RORA: variants seen among roughly 807,000 people sequenced by gnomAD.
The protein encoded by RORA is RAR related orphan receptor A.
A neutral mutation model predicts 69.5 loss-of-function variants in RORA; 7 were observed. That is an observed-to-expected ratio of 0.10 (90% CI 0.06 to 0.19). The LOEUF is 0.19. Ranked by LOEUF, RORA falls within the 10% of genes least tolerant of loss-of-function variation. The pLI, the probability that RORA is intolerant of heterozygous loss-of-function variation, is 1.00. For synonymous variants in RORA, 261 were observed against 240.8 expected (o/e 1.08, Z -0.78); for missense variants, 457 against 663.0 (o/e 0.69, Z 3.41).
chr15:61,020,921 G>C (rs1216008266), intron 1 of RORA, among the ~76,000 whole-genome samples: 1 of 152,158 alleles, frequency 6.6e-6, no homozygotes, highest in Admixed American at 6.5e-5. Flanking sequence ...GAATTCAATT[G>C]TATCAGAAAC....
At chr15:61,222,810 T>C (rs1284375979) in intron 1 of RORA, among the ~76,000 whole-genome samples, 1 of 152,206 alleles carries the variant, frequency 6.6e-6, no homozygotes, top group Non-Finnish European at 1.5e-5. Flanking sequence ...ATGTTCTTTG[T>C]TGACATTCTT....
intron 1 of RORA, among the ~76,000 whole-genome samples, chr15:61,227,069 A>C (rs945865430): frequency 2.0e-5 from 3 of 152,136 alleles, no homozygotes; most frequent in Non-Finnish European, 4.4e-5. Flanking sequence ...TGCCACCCTG[A>C]TCGCTTGCAA....
chr15:61,135,384 T>G (rs1048087364), intron 1 of RORA, among the ~76,000 whole-genome samples: 1 of 151,712 alleles, frequency 6.6e-6, no homozygotes, highest in African/African-American at 2.4e-5. Flanking sequence ...AACAAAACTT[T>G]TGTATTATGT....
intron 1 of RORA, among the ~76,000 whole-genome samples, chr15:61,073,214 T>C (rs1448716304): frequency 1.3e-5 from 2 of 152,294 alleles, no homozygotes; most frequent in Admixed American, 6.5e-5. Flanking sequence ...TTCCTTGAGA[T>C]TCGTAAGCCA....
chr15:60,715,457 T>G (rs907459260), intron 1 of RORA, among the ~76,000 whole-genome samples: 18 of 152,182 alleles, frequency 1.2e-4, no homozygotes, highest in African/African-American at 4.3e-4. Context: ...GACCTTCACG[T>G]GGTGCCTCAT....
intron 1 of RORA, among the ~76,000 whole-genome samples, chr15:61,127,253 T>A (rs1374110805): frequency 6.6e-6 from 1 of 152,154 alleles, no homozygotes; most frequent in Non-Finnish European, 1.5e-5. Flanking sequence ...TTATGTCTCA[T>A]CATGGAGTAA....
chr15:60,786,872 G>A (rs563030627), intron 1 of RORA, among the ~76,000 whole-genome samples: 12 of 152,328 alleles, frequency 7.9e-5, no homozygotes, highest in South Asian at 6.2e-4. Context: ...GTCTCAGCTC[G>A]TGATAGGCAT....
intron 1 of RORA, among the ~76,000 whole-genome samples, chr15:61,005,155 T>C (rs138442187): frequency 2.3e-3 from 349 of 152,274 alleles, no homozygotes; most frequent in Admixed American, 4.4e-3. Context: ...GTTAAGTCAA[T>C]TGTGTTACAT....
intron 1 of RORA, among the ~76,000 whole-genome samples, chr15:60,896,058 G>A (rs1175302129): frequency 6.6e-6 from 1 of 152,188 alleles, no homozygotes; most frequent in African/African-American, 2.4e-5. Context: ...GGCCCATGCT[G>A]TATTTCTGGG....
intron 1 of RORA, among the ~76,000 whole-genome samples, chr15:60,931,921 G>A (rs1892383991): frequency 6.6e-6 from 1 of 152,088 alleles, no homozygotes; most frequent in South Asian, 2.1e-4. Flanking sequence ...CCTCAACTTG[G>A]CACTGCAGCT....
At chr15:60,788,877 C>T (rs2072377811) in intron 1 of RORA, among the ~76,000 whole-genome samples, 1 of 152,208 alleles carries the variant, frequency 6.6e-6, no homozygotes, top group Admixed American at 6.5e-5. Flanking sequence ...TATCTGCAGT[C>T]AGATAAAATG....
At chr15:61,182,186 C>T (rs919177611) in intron 1 of RORA, among the ~76,000 whole-genome samples, 10 of 152,106 alleles carry the variant, frequency 6.6e-5, no homozygotes, top group African/African-American at 2.4e-4. Context: ...CAGAATGTTA[C>T]CAGTGAAAGT....
At chr15:61,162,298 G>T (rs2079502602) in intron 1 of RORA, among the ~76,000 whole-genome samples, 1 of 152,166 alleles carries the variant, frequency 6.6e-6, no homozygotes, top group Non-Finnish European at 1.5e-5. Context: ...ACATGATCTG[G>T]TCCTCGGTCC....
At chr15:61,031,659 C>T (rs1019408563) in intron 1 of RORA, among the ~76,000 whole-genome samples, 1 of 152,130 alleles carries the variant, frequency 6.6e-6, no homozygotes, top group African/African-American at 2.4e-5. Context: ...AAAAAATATG[C>T]ATGGTATGAT....
chr15:60,786,434 C>T (rs936323571), intron 1 of RORA, among the ~76,000 whole-genome samples: 14 of 152,208 alleles, frequency 9.2e-5, no homozygotes, highest in African/African-American at 3.1e-4. Flanking sequence ...TAGAGAAACA[C>T]GATGGAAGCT....
intron 1 of RORA, among the ~76,000 whole-genome samples, chr15:61,017,653 G>A (rs764980804): frequency 6.6e-6 from 1 of 152,110 alleles, no homozygotes; most frequent in African/African-American, 2.4e-5. Flanking sequence ...AAATGAACAA[G>A]TTTCTTTCTA....
intron 1 of RORA, among the ~76,000 whole-genome samples, chr15:60,997,261 C>T (rs1332861183): frequency 6.6e-6 from 1 of 152,132 alleles, no homozygotes; most frequent in Non-Finnish European, 1.5e-5. Context: ...AATGATAGCA[C>T]TTCAGAGGTG....
intron 1 of RORA, among the ~76,000 whole-genome samples, chr15:60,892,560 T>C (rs1034352656): frequency 6.6e-6 from 1 of 152,142 alleles, no homozygotes; most frequent in East Asian, 1.9e-4. Context: ...CAGGTTAAAA[T>C]GAAGACTTCG....
chr15:61,229,150 G>T lies in RORA; in HGVS notation c.69C>A (p.Ala23=). The T allele has an allele frequency of 6.5e-7, 1 of 1,545,292 alleles. No homozygotes were observed. Among genetic ancestry groups the T allele is most frequent in the East Asian group, 2.4e-5 (1 of 40,960 alleles). The change falls in exon 1 of 11, where the codon GCC becomes GCA. Residue 23 remains alanine (A), a synonymous_variant. Transcript: ENST00000335670. ...SEPGSSGADA[A]AGSRETPLNQ... Reference sequence around the variant, plus strand: ...TCAGCGGGGTCTCCCTGGAGCCGGCGGCCGCGTCCGCGCCGCTGCTGCCTG... The same window carrying T: ...TCAGCGGGGTCTCCCTGGAGCCGGCTGCCGCGTCCGCGCCGCTGCTGCCTG...
Sources: gnomAD v4.1 joint callset for allele counts (sites outside exome capture counted in the v4.1 genomes callset) on GRCh38, gnomAD v4.1.1 for gene constraint, MANE v1.5 for transcripts, NCBI Gene and HGNC (gene_info 2026-07-23, HGNC 2026-07-21) for gene names.